Variants in ELAVL2 observed in about 807,000 individuals in gnomAD.
ELAVL2 encodes the protein ELAV-like protein 2.
ELAVL2 carries 4 observed loss-of-function variants against 34.6 expected under a neutral mutation model. The ratio of observed to expected loss-of-function variants is 0.12; its 90% CI spans 0.06 to 0.26. ELAVL2 has a LOEUF of 0.26. ELAVL2 is among the 10% of genes least tolerant of loss of function. The pLI is 1.00. For synonymous variants in ELAVL2, 193 were observed against 154.8 expected (o/e 1.25, Z -1.83); for missense variants, 432 against 442.8 (o/e 0.98, Z 0.22).
the ELAVL2 span, among the ~76,000 whole-genome samples, chr9:23,834,308 T>C: frequency 9.9e-5 from 15 of 152,028 alleles, no homozygotes; most frequent in Admixed American, 3.9e-4. Context: ...TATAGGAACA[T>C]CATAGAAGGG....
chr9:23,728,176 C>A (rs2045705125), intron 3 of ELAVL2, among the ~76,000 whole-genome samples: 1 of 151,960 alleles, frequency 6.6e-6, no homozygotes, highest in Non-Finnish European at 1.5e-5. Flanking sequence ...GCCTAAATTA[C>A]ATATGGGTCC....
At chr9:23,766,894 G>C (rs939156134) in intron 1 of ELAVL2, among the ~76,000 whole-genome samples, 3 of 151,188 alleles carry the variant, frequency 2.0e-5, no homozygotes, top group African/African-American at 7.3e-5. Context: ...GAAACTCTTC[G>C]GAAAGAAAAA....
At chr9:23,835,422 T>C in the ELAVL2 span, among the ~76,000 whole-genome samples, 3 of 152,124 alleles carry the variant, frequency 2.0e-5, no homozygotes, top group Non-Finnish European at 4.4e-5. Flanking sequence ...AGGCTCATTC[T>C]TCCATCTCCA....
intron 1 of ELAVL2, among the ~76,000 whole-genome samples, chr9:23,778,682 A>AGTACT (rs1163586236): frequency 6.6e-6 from 1 of 152,156 alleles, no homozygotes; most frequent in Admixed American, 6.5e-5. Flanking sequence ...AGAATGTCAG[A>AGTACT]GTACTGGGGG....
chr9:23,709,484 A>G (rs574986959), intron 3 of ELAVL2, among the ~76,000 whole-genome samples: 1 of 152,140 alleles, frequency 6.6e-6, no homozygotes, highest in Admixed American at 6.6e-5. Context: ...TAGATCTTAC[A>G]GGTGCCTTCA....
At chr9:23,719,921 G>T (rs1404628326) in intron 3 of ELAVL2, among the ~76,000 whole-genome samples, 1 of 151,554 alleles carries the variant, frequency 6.6e-6, no homozygotes, top group African/African-American at 2.4e-5. Context: ...CGCCTCCCGG[G>T]TTCAAGGGAT....
chr9:23,719,182 T>C (rs1471468875), intron 3 of ELAVL2, among the ~76,000 whole-genome samples: 2 of 152,170 alleles, frequency 1.3e-5, no homozygotes, highest in Non-Finnish European at 2.9e-5. Context: ...GAGAATCCCG[T>C]CCTGAGATAT....
intron 2 of ELAVL2, among the ~76,000 whole-genome samples, chr9:23,731,721 T>A (rs2046606443): frequency 6.6e-6 from 1 of 152,088 alleles, no homozygotes; most frequent in Non-Finnish European, 1.5e-5. Context: ...TTTTATGATC[T>A]AGATAAGAAC....
intron 3 of ELAVL2, among the ~76,000 whole-genome samples, chr9:23,725,558 A>C (rs1234947733): frequency 1.3e-5 from 2 of 152,136 alleles, no homozygotes; most frequent in Non-Finnish European, 2.9e-5. Context: ...GCTGGTTTAC[A>C]CAGCATCTAA....
intron 1 of ELAVL2, among the ~76,000 whole-genome samples, chr9:23,768,749 G>A (rs1179640826): frequency 1.3e-5 from 2 of 152,138 alleles, no homozygotes; most frequent in African/African-American, 2.4e-5. Flanking sequence ...CCTCTGGCCA[G>A]CAGGGTTATG....
At chr9:23,711,718 A>T (rs987105300) in intron 3 of ELAVL2, among the ~76,000 whole-genome samples, 1 of 152,110 alleles carries the variant, frequency 6.6e-6, no homozygotes, top group African/African-American at 2.4e-5. Flanking sequence ...TTAAATACTG[A>T]CTTAACCAAA....
intron 3 of ELAVL2, among the ~76,000 whole-genome samples, chr9:23,725,800 A>G (rs937584734): frequency 6.6e-6 from 1 of 152,200 alleles, no homozygotes; most frequent in Admixed American, 6.5e-5. Flanking sequence ...ATTTTATGCA[A>G]TAAACATGAA....
the ELAVL2 span, among the ~76,000 whole-genome samples, chr9:23,838,707 A>G: frequency 1.3e-5 from 2 of 152,110 alleles, no homozygotes; most frequent in Non-Finnish European, 2.9e-5. Context: ...TTTCCCTATT[A>G]AATCCTTTCT....
chr9:23,700,236 T>C (rs937184098), intron 5 of ELAVL2, among the ~76,000 whole-genome samples: 20 of 152,134 alleles, frequency 1.3e-4, no homozygotes, highest in Non-Finnish European at 2.9e-4. Context: ...AAAATCAGTG[T>C]GGGGTTAGAT....
intron 3 of ELAVL2, among the ~76,000 whole-genome samples, chr9:23,722,420 C>G (rs1041831406): frequency 1.2e-4 from 19 of 152,168 alleles, no homozygotes; most frequent in Admixed American, 3.9e-4. Flanking sequence ...ACCTCCAGAT[C>G]CAGTTTTCTT....
chr9:23,723,369 AAT>A (rs1165040111), intron 3 of ELAVL2, among the ~76,000 whole-genome samples: 1 of 152,030 alleles, frequency 6.6e-6, no homozygotes, highest in Non-Finnish European at 1.5e-5. Flanking sequence ...GGAACTGAAC[AAT>A]GAGAACACAC....
intron 1 of ELAVL2, among the ~76,000 whole-genome samples, chr9:23,781,717 G>C (rs930058032): frequency 1.3e-5 from 2 of 151,508 alleles, no homozygotes; most frequent in Non-Finnish European, 2.9e-5. Flanking sequence ...TTTTGAGATG[G>C]AGTCTTGCTC....
At chr9:23,697,916 C>G (rs1276385253) in intron 5 of ELAVL2, among the ~76,000 whole-genome samples, 1 of 151,858 alleles carries the variant, frequency 6.6e-6, no homozygotes, top group Admixed American at 6.6e-5. Context: ...TGGAAATTAT[C>G]TACAACAAGA....
At chr9:23,704,801 G>T in intron 4 of ELAVL2, 117 bp downstream of exon 4, 4 of 1,303,040 alleles carry the variant, frequency 3.1e-6, no homozygotes, top group Non-Finnish European at 4.2e-6. Context: ...GCATTTTCTG[G>T]CCCACATATA....
Sources: allele counts gnomAD v4.1 joint callset (sites outside exome capture counted in the v4.1 genomes callset), GRCh38; gene constraint gnomAD v4.1.1; transcripts MANE v1.5; gene names NCBI Gene and HGNC (gene_info 2026-07-23, HGNC 2026-07-21).